Variants in ZNF251 observed in about 807,000 individuals in gnomAD.
The protein encoded by ZNF251 is zinc finger protein 251.
ZNF251 carries 14 observed loss-of-function variants against 13.5 expected under a neutral mutation model. The observed-to-expected ratio is 1.04, with a 90% confidence interval of 0.69 to 1.63. ZNF251 has a LOEUF of 1.63. ZNF251 is among the 40% of genes most tolerant of loss of function. The pLI is 0.00. For missense variants in ZNF251, 764 were observed against 834.9 expected (o/e 0.92, Z 1.05); for synonymous variants, 287 against 295.2 (o/e 0.97, Z 0.28).
chr8:144,746,756 A>G (rs1824448726), intron 4 of ZNF251, among the ~76,000 whole-genome samples: 2 of 151,144 alleles, frequency 1.3e-5, no homozygotes, highest in Non-Finnish European at 2.9e-5. Flanking sequence ...TTGGGCACAG[A>G]GTTGTTCATC....
chr8:144,722,535 CTT>C lies in ZNF251; in HGVS notation c.1123_1124del (p.Lys375AlafsTer3). The C allele has an allele frequency of 6.2e-7, 1 of 1,613,860 alleles. No homozygotes were observed. The highest frequency in any genetic ancestry group is 8.5e-7 in the Non-Finnish European group (1 of 1,179,922). Reference protein sequence around the residue: ...IQHERIHTGEKPHKCNQCGKA... With the variant: ...IQHERIHTGEXPHKCNQCGKA... Reference sequence around the variant, plus strand: ...TCCCACACTGATTGCATTTATGGGGCTTCTCTCCAGTGTGAATTCTCTCATGC... The same window carrying C: ...TCCCACACTGATTGCATTTATGGGGCCTCTCCAGTGTGAATTCTCTCATGC... On this transcript the variant is annotated frameshift_variant, in exon 5 of 5. Coordinates refer to ENST00000292562, the MANE Select transcript of ZNF251 (RefSeq NM_138367.2). LOFTEE classifies it low-confidence loss of function (END_TRUNC). The surrounding 1 kb of genome is among the most constrained non-coding windows in gnomAD (Gnocchi z 4.8).
In ZNF251 at chr8:144,753,707, C is replaced by G; in HGVS notation, c.253G>C (p.Asp85His). 6.3e-7 allele frequency: 1 copy of G among 1,590,762 alleles called. No individual in the cohort carries two copies. Among genetic ancestry groups the G allele is most frequent in the Non-Finnish European group, 8.6e-7 (1 of 1,167,866 alleles). Residue 85 changes from aspartate (D) to histidine (H), a missense_variant, in exon 4 of 5, where the codon GAT (aspartate) becomes CAT (histidine). By Grantham distance (81) the Asp-to-His change is moderately conservative (BLOSUM62 -1). Coordinates refer to ENST00000292562, the MANE Select transcript of ZNF251 (RefSeq NM_138367.2). The stretch of plus-strand genomic sequence containing the variant: ...CCTTTCTGGCAGCTTTTCAAGATAT[C>G]TGGTTCCTCAGCTCCCAGAAGATTC... ...VLNLLGAEEP[D>H]ILKSCQKDSE...
At chr8:144,750,185 C>T (rs1000431339) in intron 4 of ZNF251, among the ~76,000 whole-genome samples, 1 of 152,198 alleles carries the variant, frequency 6.6e-6, no homozygotes, top group Admixed American at 6.5e-5. Context: ...TCAGTCTCTT[C>T]AAACTGCATT....
rs1823407174 is a variant in ZNF251 at position 144,722,715 on chromosome 8, G to A, written c.945C>T (p.His315=). ...SSTLIQHRII[H]TGEKPYKCNE... ...TACACTTGTAGGGTTTCTCTCCTGT[G>A]TGAATGATCCGATGTTGAATAAGAG... The change falls in exon 5 of 5, where the codon CAC becomes CAT. Residue 315 remains histidine (H), a synonymous_variant. Transcript: ENST00000292562. The surrounding 1 kb of genome is among the most constrained non-coding windows in gnomAD (Gnocchi z 4.8). 1 of 1,613,874 alleles carries A rather than the reference G, an allele frequency of 6.2e-7. No homozygotes were observed. The highest frequency in any genetic ancestry group is 1.3e-5 in the African/African-American group (1 of 74,876).
At chr8:144,732,785 C>G (rs1210567427) in intron 4 of ZNF251, among the ~76,000 whole-genome samples, 1 of 147,346 alleles carries the variant, frequency 6.8e-6, no homozygotes, top group Non-Finnish European at 1.5e-5. Flanking sequence ...GCACTCCAGC[C>G]TGGGCGACAG....
intron 4 of ZNF251, among the ~76,000 whole-genome samples, chr8:144,740,954 C>T (rs1824133859): frequency 6.7e-6 from 1 of 150,318 alleles, no homozygotes; most frequent in Admixed American, 6.6e-5. Context: ...AAAAAAGAAA[C>T]AAAAAAAAAC....
At chr8:144,750,710 G>C (rs1824651458) in intron 4 of ZNF251, among the ~76,000 whole-genome samples, 1 of 151,978 alleles carries the variant, frequency 6.6e-6, no homozygotes, top group Non-Finnish European at 1.5e-5. Context: ...TTTTTTTTCA[G>C]AGTTGTCCAC....
chr8:144,723,120 G>C lies in ZNF251; in HGVS notation c.540C>G (p.Thr180=). The change falls in exon 5 of 5, where the codon ACC becomes ACG. Residue 180 remains threonine (T), a synonymous_variant. Transcript: ENST00000292562. ...TTCTATCAAATGCACTACACTCTTG[G>C]GTTCTTTCTCCCAAAGATCTTTCCC... ...VGRERSLGER[T]QECSAFDRNL... is the part of the protein sequence containing the mutation. The C allele has an allele frequency of 6.2e-7, 1 of 1,613,760 alleles. No homozygotes were observed. Among genetic ancestry groups the C allele is most frequent in the Non-Finnish European group, 8.5e-7 (1 of 1,179,804 alleles).
chr8:144,752,135 C>CAAAAAA (rs745386892), intron 4 of ZNF251, among the ~76,000 whole-genome samples: 5 of 86,184 alleles, frequency 5.8e-5, no homozygotes, highest in Admixed American at 1.3e-4. Context: ...ATAACTAGAC[C>CAAAAAA]AAAAAAAAAA....
At chr8:144,754,502 C>CG in intron 2 of ZNF251, 181 bp from the exon 3 acceptor site, 7 of 1,446,938 alleles carry the variant, frequency 4.8e-6, no homozygotes, top group Non-Finnish European at 6.4e-6. Context: ...TTCAGCTACA[C>CG]GGGGACCCAG....
intron 4 of ZNF251, among the ~76,000 whole-genome samples, chr8:144,753,292 AAAAAAAAGACTACTACTGACTAAAC>A (rs1327466328): frequency 6.6e-6 from 1 of 150,906 alleles, no homozygotes; most frequent in African/African-American, 2.4e-5. Context: ...AAAAAAAAAA[AAAAAAAAGACTACTACTGACTAAAC>A]TTGGCAAATG....
At chr8:144,743,320 T>C (rs1824257767) in intron 4 of ZNF251, among the ~76,000 whole-genome samples, 2 of 152,164 alleles carry the variant, frequency 1.3e-5, no homozygotes, top group Admixed American at 1.3e-4. Flanking sequence ...CGCCTTGGCC[T>C]CCCAAAGTGC....
rs563415282 is a variant in ZNF251, at chr8:144,722,929, C to T, written c.731G>A (p.Arg244Gln). The change falls in exon 5 of 5, where the codon CGA (arginine) becomes CAA (glutamine). Residue 244 changes from arginine (R) to glutamine (Q), a missense_variant. Coordinates refer to ENST00000292562, the MANE Select transcript of ZNF251 (RefSeq NM_138367.2). This position sits in a 1 kb window ranked among gnomAD's most constrained non-coding sequence, Gnocchi z 4.8. ...AAGATTTGAGCTGTGAGTAAAGGCTCGCCCACACCGGCCACATTCGTACGG... is the reference window on the plus strand; with the variant it reads ...AAGATTTGAGCTGTGAGTAAAGGCTTGCCCACACCGGCCACATTCGTACGG... ...EKPYECGRCGRAFTHSSNLVL... is the reference protein window; with the variant it reads ...EKPYECGRCGQAFTHSSNLVL... The T allele has an allele frequency of 4.3e-6, 7 of 1,613,510 alleles. No homozygotes were observed. The highest frequency in any genetic ancestry group is 2.7e-5 in the African/African-American group (2 of 74,926).
intron 4 of ZNF251, among the ~76,000 whole-genome samples, chr8:144,724,218 C>T (rs1312319099): frequency 4.2e-5 from 6 of 144,040 alleles, no homozygotes; most frequent in African/African-American, 1.0e-4. Context: ...GCTGAGATCG[C>T]GCCACTGCAC....
chr8:144,753,642 T>TG (rs1183623551), intron 4 of ZNF251, 41 bp downstream of exon 4: 1 of 1,507,538 alleles, frequency 6.6e-7, no homozygotes, highest in Non-Finnish European at 9.0e-7. Flanking sequence ...AAGGCAGGAT[T>TG]GGGAGGCTGC....
At chr8:144,732,608 G>A (rs12681812) in intron 4 of ZNF251, among the ~76,000 whole-genome samples, 16 of 151,018 alleles carry the variant, frequency 1.1e-4, no homozygotes, top group South Asian at 2.1e-4. Context: ...GTCAGGAGAT[G>A]GAGACCATCC....
chr8:144,741,473 A>C (rs1049796746), intron 4 of ZNF251, among the ~76,000 whole-genome samples: 1 of 152,214 alleles, frequency 6.6e-6, no homozygotes, highest in African/African-American at 2.4e-5. Flanking sequence ...ATTAACAAAC[A>C]CATAAAGAAC....
At position 144,734,475 on chromosome 8, in the gene ZNF251, TG is replaced by T. The variant is rs2129970628; in HGVS notation, c.278-11094del. Among the ~76,000 whole-genome samples, 1 of 151,990 alleles carries T rather than the reference TG, an allele frequency of 6.6e-6. No homozygotes were observed. The highest frequency in any genetic ancestry group is 1.9e-4 in the East Asian group (1 of 5,160). Reference sequence around the variant, plus strand: ...GGCCTCCACCTGGCTCTGAGATGAGTGTAAGGCTCACAGCAACGGCATGAAC... The same window carrying T: ...GGCCTCCACCTGGCTCTGAGATGAGTTAAGGCTCACAGCAACGGCATGAAC... On this transcript the variant is annotated intron_variant, in intron 4 of 4. Transcript: ENST00000292562. The surrounding 1 kb of genome is among the most constrained non-coding windows in gnomAD (Gnocchi z 4.4).
chr8:144,736,015 C>A (rs1019879299), intron 4 of ZNF251, among the ~76,000 whole-genome samples: 1 of 152,206 alleles, frequency 6.6e-6, no homozygotes, highest in African/African-American at 2.4e-5. Context: ...CACCTGGAAA[C>A]CCTTCCCCAA....
Sources: gnomAD v4.1 joint callset for allele counts (sites outside exome capture counted in the v4.1 genomes callset) on GRCh38, gnomAD v4.1.1 for gene constraint, Gnocchi (gnomAD v3.1) non-coding constraint, MANE v1.5 for transcripts, NCBI Gene and HGNC (gene_info 2026-07-23, HGNC 2026-07-21) for gene names.